Variants in ANKRD17 observed in about 807,000 individuals in gnomAD.
The protein encoded by ANKRD17 is ankyrin repeat domain 17, also known as ankyrin repeat domain-containing protein 17.
Under a neutral mutation model 229.7 loss-of-function variants are expected in ANKRD17, and 19 were observed. That is an observed-to-expected ratio of 0.08 (90% CI 0.06 to 0.12). The LOEUF (loss-of-function observed/expected upper bound fraction) is 0.12, where lower values mean the gene tolerates loss of function less well. Ranked by LOEUF, ANKRD17 falls within the 10% of genes least tolerant of loss-of-function variation. ANKRD17 has a pLI of 1.00. For synonymous variants in ANKRD17, 1,112 were observed against 1,146.1 expected (o/e 0.97, Z 0.60); for missense variants, 2,176 against 3,176.8 (o/e 0.68, Z 7.57).
intron 25 of ANKRD17, chr4:73,099,288 C>T: frequency 1.7e-6 from 1 of 578,888 alleles, no homozygotes; most frequent in Non-Finnish European, 3.0e-6. Context: ...CTTCCACCTG[C>T]ACCCTCACCA....
chr4:73,157,933 C>CAA (rs1226879393), intron 3 of ANKRD17, among the ~76,000 whole-genome samples: 1 of 150,576 alleles, frequency 6.6e-6, no homozygotes, highest in African/African-American at 2.4e-5. Flanking sequence ...ACTAAAAATA[C>CAA]AAAAAAAAAT....
chr4:73,258,224 C>G lies in ANKRD17; in HGVS notation c.393+52G>C, dbSNP rs762853071. The G allele has an allele frequency of 8.7e-6, 14 of 1,611,596 alleles. No homozygotes were observed. In the African/African-American group the frequency reaches 9.3e-5, roughly 11 times the overall value. The stretch of plus-strand genomic sequence containing the variant: ...TCCAAATCCCCTCCCACCTTCGGCC[C>G]CTATCCCTTACAGTCCCTTCCTCCC... On this transcript the variant is annotated intron_variant, in intron 1 of 33. Coordinates refer to ENST00000358602, the MANE Select transcript of ANKRD17 (RefSeq NM_032217.5).
At chr4:73,257,848 A>C (rs1320278650) in intron 1 of ANKRD17, among the ~76,000 whole-genome samples, 1 of 151,968 alleles carries the variant, frequency 6.6e-6, no homozygotes, top group Admixed American at 6.5e-5. Context: ...GGAGAAGTTG[A>C]TCAACCTCCT....
At chr4:73,213,431 A>T (rs956234184) in intron 1 of ANKRD17, among the ~76,000 whole-genome samples, 1 of 152,210 alleles carries the variant, frequency 6.6e-6, no homozygotes, top group Non-Finnish European at 1.5e-5. Flanking sequence ...TGAGAGAAAG[A>T]GGTTAAATGA....
At chr4:73,167,388 C>T (rs1733377130) in intron 2 of ANKRD17, among the ~76,000 whole-genome samples, 1 of 152,144 alleles carries the variant, frequency 6.6e-6, no homozygotes, top group Non-Finnish European at 1.5e-5. Flanking sequence ...AATAATTACA[C>T]AACTTAGAAA....
At chr4:73,237,839 A>G (rs1229048254) in intron 1 of ANKRD17, among the ~76,000 whole-genome samples, 1 of 152,172 alleles carries the variant, frequency 6.6e-6, no homozygotes, top group Admixed American at 6.5e-5. Flanking sequence ...CAAATTTTTA[A>G]GTTCTCAAGG....
intron 29 of ANKRD17, among the ~76,000 whole-genome samples, chr4:73,085,945 G>A (rs1157092769): frequency 1.3e-5 from 2 of 152,032 alleles, no homozygotes; most frequent in Middle Eastern, 3.2e-3. Context: ...GAGCTGTGAT[G>A]GCACCACTGC....
chr4:73,101,434 CA>C (rs1177658042), intron 25 of ANKRD17, among the ~76,000 whole-genome samples: 3 of 151,844 alleles, frequency 2.0e-5, no homozygotes, highest in Admixed American at 6.6e-5. Context: ...GTGGCTGAGG[CA>C]GGGGGGATCA....
chr4:73,249,578 C>T (rs1342322635), intron 1 of ANKRD17, among the ~76,000 whole-genome samples: 5 of 152,174 alleles, frequency 3.3e-5, no homozygotes, highest in African/African-American at 4.8e-5. Flanking sequence ...TAAAATCGGC[C>T]GGGTGCTGTG....
intron 10 of ANKRD17, among the ~76,000 whole-genome samples, chr4:73,146,224 A>G (rs985674954): frequency 1.4e-4 from 22 of 152,130 alleles, no homozygotes; most frequent in Non-Finnish European, 2.8e-4. Flanking sequence ...ACATCAGATG[A>G]CTGCTTTACC....
intron 5 of ANKRD17, 62 bp downstream of exon 5, chr4:73,155,569 C>A (rs1272132885): frequency 1.6e-5 from 26 of 1,582,170 alleles, no homozygotes; most frequent in South Asian, 6.8e-5. Flanking sequence ...CACTTTCATG[C>A]AAAATCATTA....
intron 3 of ANKRD17, among the ~76,000 whole-genome samples, chr4:73,157,080 T>A (rs887183721): frequency 6.6e-6 from 1 of 152,132 alleles, no homozygotes; most frequent in Non-Finnish European, 1.5e-5. Flanking sequence ...TTTTAAAACA[T>A]AAAAGTTTAT....
intron 6 of ANKRD17, among the ~76,000 whole-genome samples, chr4:73,153,262 AAC>A (rs1731234290): frequency 6.6e-6 from 1 of 152,102 alleles, no homozygotes; most frequent in Admixed American, 6.6e-5. Flanking sequence ...GATGACATAA[AAC>A]ACAGAAATGA....
At chr4:73,116,730 C>T (rs1284015372) in intron 22 of ANKRD17, among the ~76,000 whole-genome samples, 1 of 151,996 alleles carries the variant, frequency 6.6e-6, no homozygotes, top group Admixed American at 6.6e-5. Flanking sequence ...AGTTACCTAA[C>T]TTTGGGTATG....
At chr4:73,122,821 T>C (rs1221390692) in intron 18 of ANKRD17, among the ~76,000 whole-genome samples, 1 of 152,242 alleles carries the variant, frequency 6.6e-6, no homozygotes, top group African/African-American at 2.4e-5. Context: ...TTAGGCTATT[T>C]TATAAACAGT....
chr4:73,195,112 T>C (rs1737670883), intron 1 of ANKRD17, among the ~76,000 whole-genome samples: 2 of 152,174 alleles, frequency 1.3e-5, no homozygotes, highest in African/African-American at 2.4e-5. Context: ...CTTTTCTGTA[T>C]CTACTGTGAT....
chr4:73,118,525 G>A (rs1165927016), intron 22 of ANKRD17, among the ~76,000 whole-genome samples, 163 bp downstream of exon 22: 1 of 151,862 alleles, frequency 6.6e-6, no homozygotes, highest in African/African-American at 2.4e-5. Context: ...TGAAAAACCT[G>A]TATATATCTA....
chr4:73,113,319 A>G, intron 24 of ANKRD17: 1 of 1,289,382 alleles, frequency 7.8e-7, no homozygotes, highest in Non-Finnish European at 1.0e-6. Flanking sequence ...TGCCTGAAAG[A>G]GAAAAGTACA....
intron 1 of ANKRD17, among the ~76,000 whole-genome samples, chr4:73,215,409 G>A (rs202071183): frequency 6.6e-6 from 1 of 152,048 alleles, no homozygotes; most frequent in East Asian, 1.9e-4. Context: ...ACAGGCGCAT[G>A]CCACTACACC....
Sources: gnomAD v4.1 joint callset for allele counts (sites outside exome capture counted in the v4.1 genomes callset) on GRCh38, gnomAD v4.1.1 for gene constraint, MANE v1.5 for transcripts, NCBI Gene and HGNC (gene_info 2026-07-23, HGNC 2026-07-21) for gene names.